Variants in COL4A3 observed in about 807,000 individuals in gnomAD.
COL4A3 encodes collagen alpha-3(IV) chain.
A neutral mutation model predicts 217.4 loss-of-function variants in COL4A3; 135 were observed. The observed-to-expected ratio is 0.62, with a 90% confidence interval of 0.54 to 0.72. The LOEUF (loss-of-function observed/expected upper bound fraction) is 0.72, where lower values mean the gene tolerates loss of function less well. Among genes scored for constraint, COL4A3 ranks in the 30% least tolerant of loss-of-function variants. The pLI is 0.00. For synonymous variants in COL4A3, 690 were observed against 736.3 expected, an observed-to-expected ratio of 0.94 and a Z score of 1.02; for missense variants, 1,868 against 2,119.9, an observed-to-expected ratio of 0.88 and a Z score of 2.33.
In COL4A3 at chr2:227,244,332, C is replaced by A. The variant is rs372621387; in HGVS notation, c.247C>A (p.Leu83Ile). The change falls in exon 4 of 52, where the codon CTT becomes ATT. Residue 83 changes from leucine (L) to isoleucine (I), a missense_variant. Coordinates refer to ENST00000396578, the MANE Select transcript of COL4A3 (RefSeq NM_000091.5). Reference protein sequence around the residue: ...GPQGPKGFPGLPGLTGSKGVR... With the variant: ...GPQGPKGFPGIPGLTGSKGVR... Reference sequence around the variant, plus strand: ...CACTTGAATCTAGGGCTTTCCAGGACTTCCAGGACTCACGGGTTCCAAAGG... The same window carrying A: ...CACTTGAATCTAGGGCTTTCCAGGAATTCCAGGACTCACGGGTTCCAAAGG... 5 of 1,613,932 alleles carry A rather than the reference C, an allele frequency of 3.1e-6. No individual in the cohort carries two copies. The East Asian group carries it at 1.1e-4, about 36-fold the overall frequency.
Position 227,225,256 on chromosome 2 carries a change from G to A in COL4A3, c.88-12712G>A, listed in dbSNP as rs894473062. On this transcript the variant is annotated intron_variant, in intron 1 of 51. Transcript: ENST00000396578. ...AAGATTTTTTTTCAAATGGTCCTAT[G>A]AATAGACAAACCAGGCACATGACCT... Among the ~76,000 whole-genome samples the A allele has an allele frequency of 2.0e-5, 3 of 152,272 alleles. No individual in the cohort carries two copies. In the South Asian group the frequency reaches 6.2e-4, roughly 32 times the overall value.
chr2:227,167,772 CTTGT>C (rs1213338433), intron 1 of COL4A3, among the ~76,000 whole-genome samples: 1 of 152,038 alleles, frequency 6.6e-6, no homozygotes, highest in Non-Finnish European at 1.5e-5. Context: ...TATACTTTGA[CTTGT>C]TTGTTCTCAG....
chr2:227,288,029 T>C (rs13420493), intron 34 of COL4A3, among the ~76,000 whole-genome samples: 8,938 of 152,280 alleles, frequency 0.059, 676 homozygotes, highest in African/African-American at 0.17. Context: ...TATAGACAGA[T>C]TGCAGAATGC....
rs77649827 is a variant in COL4A3 at position 227,266,802 on chromosome 2, A to G, written c.1409-191A>G. On this transcript the variant is annotated intron_variant, in intron 22 of 51. Coordinates refer to ENST00000396578, the MANE Select transcript of COL4A3 (RefSeq NM_000091.5). ...GAATTTCCCCTTTCAGAAGAACTGT[A>G]TAGCTCAGAACATTAAAGTAAGCAG... Among the ~76,000 whole-genome samples the G allele has an allele frequency of 8.1e-3, 1,239 of 152,360 alleles. 17 individuals are homozygous for G. Among genetic ancestry groups the G allele is most frequent in the African/African-American group, 0.028 (1,179 of 41,586 alleles).
rs773883033 is a variant in COL4A3, at chr2:227,284,187, G to T, written c.2747-24G>T. 2.5e-6 allele frequency: 4 copies of T among 1,613,892 alleles called. No individual in the cohort carries two copies. The South Asian group carries it at 4.4e-5, about 18-fold the overall frequency. ...GAACTACCTGAAGAATTAAGGACCT[G>T]ATGTTGTTACTCCTGTCTGTTAGGG... On this transcript the variant is annotated intron_variant, in intron 33 of 51. Transcript: ENST00000396578.
In COL4A3 at chr2:227,280,952, G is replaced by C. The variant is rs774838919; in HGVS notation, c.2434G>C (p.Gly812Arg). 3 of 1,568,438 alleles carry C rather than the reference G, an allele frequency of 1.9e-6. No homozygotes were observed. The highest frequency in any genetic ancestry group is 2.7e-5 in the African/African-American group (2 of 73,704). The change falls in exon 31 of 52, where the codon GGT becomes CGT. Residue 812 changes from glycine (G) to arginine (R), a missense_variant. Gly to Arg is a moderately radical substitution (Grantham distance 125). Coordinates refer to ENST00000396578, the MANE Select transcript of COL4A3 (RefSeq NM_000091.5). ...EQGPPGRCIE[G>R]PRGAQGLPGL... ...AGGACCCCCAGGAAGGTGCATAGAG[G>C]GTCCCAGGGGAGCCCAAGGACTTCC...
chr2:227,188,420 G>A (rs1416510900), intron 1 of COL4A3, among the ~76,000 whole-genome samples: 1 of 151,804 alleles, frequency 6.6e-6, no homozygotes, highest in Non-Finnish European at 1.5e-5. Flanking sequence ...GTGAGTCATT[G>A]GCTTAACACA....
chr2:227,197,861 T>A (rs545456844), intron 1 of COL4A3, among the ~76,000 whole-genome samples: 1 of 152,286 alleles, frequency 6.6e-6, no homozygotes, highest in African/African-American at 2.4e-5. Context: ...GACAAGGAAA[T>A]GGCAGAGAGG....
rs933866111 is a variant in COL4A3 at position 227,290,164 on chromosome 2, G to GT, written c.3070+80dup. On this transcript the variant is annotated intron_variant, in intron 36 of 51. Transcript: ENST00000396578. ...CTCCAGATTTTCTGTGTTGTGTACT[G>GT]TTTTGGTTTTCCACTTGGTAGAAAG... 10 of 1,437,922 alleles carry GT rather than the reference G, an allele frequency of 7.0e-6. No individual in the cohort carries two copies. In the African/African-American group the frequency reaches 1.4e-4, roughly 20 times the overall value. The allele number at this position is 1,437,922 out of a possible 1,614,324, so 89.1% of individuals were successfully genotyped here.
chr2:227,293,770 G>A (rs1329770519), intron 38 of COL4A3: 2 of 469,810 alleles, frequency 4.3e-6, no homozygotes, highest in Admixed American at 4.7e-5. Context: ...CTGTGATCAA[G>A]CTGTCGGCAG....
At chr2:227,186,387 C>T (rs1010832962) in intron 1 of COL4A3, among the ~76,000 whole-genome samples, 4 of 152,142 alleles carry the variant, frequency 2.6e-5, no homozygotes, top group African/African-American at 9.7e-5. Flanking sequence ...TAAGGGGAGA[C>T]TCTGCTGTCA....
At chr2:227,237,650 A>C (rs1559854385) in intron 1 of COL4A3, 1 of 271,164 alleles carries the variant, frequency 3.7e-6, no homozygotes, top group Non-Finnish European at 7.3e-6. Flanking sequence ...CCATATATAA[A>C]TTATTAGGTT....
intron 17 of COL4A3, among the ~76,000 whole-genome samples, chr2:227,256,924 C>T (rs74877601): frequency 1.7e-4 from 26 of 152,190 alleles, no homozygotes; most frequent in Admixed American, 1.7e-3. Flanking sequence ...ATAGAGTGTA[C>T]TCACACAAAC....
intron 9 of COL4A3, among the ~76,000 whole-genome samples, chr2:227,249,936 A>G (rs774272478): frequency 6.6e-5 from 10 of 152,232 alleles, no homozygotes; most frequent in Non-Finnish European, 1.2e-4. Context: ...ATTTGATTAC[A>G]CAAGAAATAT....
rs2070725828 is a variant in COL4A3 at position 227,263,653 on chromosome 2, T to C, written c.1151-127T>C. On this transcript the variant is annotated intron_variant, in intron 20 of 51. Transcript: ENST00000396578. ...CAAGGATATTCACTTTTTTATTTTATATGTGTTATGTACCTCTCCATTGTG... is the reference window on the plus strand; with the variant it reads ...CAAGGATATTCACTTTTTTATTTTACATGTGTTATGTACCTCTCCATTGTG... 4.3e-6 allele frequency: 4 copies of C among 929,382 alleles called. No homozygotes were observed. The South Asian group carries it at 4.9e-5, about 11-fold the overall frequency. The allele number at this position is 929,382 out of a possible 1,614,324, so 57.6% of individuals were successfully genotyped here.
chr2:227,304,201 T>A, intron 46 of COL4A3, 57 bp downstream of exon 46: 1 of 1,606,220 alleles, frequency 6.2e-7, no homozygotes. Flanking sequence ...CCAAAATACC[T>A]GTAAACTGCT....
Position 227,246,672 on chromosome 2 carries a change from G to T in COL4A3, c.388-13G>T. ...ACAACTAAGAATAATAAGAAACTTT[G>T]TATGTCTTTTAGGGTGAGCAGGGGT... On this transcript the variant is annotated splice_polypyrimidine_tract_variant and intron_variant, in intron 6 of 51. Transcript: ENST00000396578. 1.2e-6 allele frequency: 2 copies of T among 1,604,454 alleles called. No homozygotes were observed. Among genetic ancestry groups the T allele is most frequent in the Non-Finnish European group, 1.7e-6 (2 of 1,171,496 alleles).
At chr2:227,295,234 A>G (rs370772797) in intron 40 of COL4A3, 35 bp from the exon 41 acceptor site, 2 of 1,607,596 alleles carry the variant, frequency 1.2e-6, no homozygotes, top group Admixed American at 3.3e-5. Flanking sequence ...AATGAAATTG[A>G]CCAATTATTA....
At position 227,243,846 on chromosome 2, in the gene COL4A3, A is replaced by T. The variant is rs143220859; in HGVS notation, c.235-474A>T. ...TGCATGTCAGGCACATTTTGTTAATAGAGTGTTTCTTGTGCACAGAAATAC... is the reference window on the plus strand; with the variant it reads ...TGCATGTCAGGCACATTTTGTTAATTGAGTGTTTCTTGTGCACAGAAATAC... On this transcript the variant is annotated intron_variant, in intron 3 of 51. Transcript: ENST00000396578. Among the ~76,000 whole-genome samples, 25 of 152,330 alleles carry T rather than the reference A, an allele frequency of 1.6e-4. No homozygotes were observed. In the East Asian group the frequency reaches 4.6e-3, roughly 28 times the overall value.
Sources: gnomAD v4.1 joint callset for allele counts (sites outside exome capture counted in the v4.1 genomes callset) on GRCh38, gnomAD v4.1.1 for gene constraint, MANE v1.5 for transcripts, NCBI Gene and HGNC (gene_info 2026-07-23, HGNC 2026-07-21) for gene names.